The following CRACD variants were observed in gnomAD, a reference collection of about 807,000 sequenced individuals.
CRACD encodes the protein capping protein inhibiting regulator of actin dynamics, also known as capping protein-inhibiting regulator of actin dynamics.
In CRACD, 56 loss-of-function variants were observed where a neutral mutation model predicts 106.8. The ratio of observed to expected loss-of-function variants is 0.52; its 90% confidence interval spans 0.42 to 0.66. The LOEUF (loss-of-function observed/expected upper bound fraction) is 0.66. Among genes scored for constraint, CRACD ranks in the 30% least tolerant of loss-of-function variants. The probability of loss-of-function intolerance (pLI) is 0.00; values close to 1 mark genes in which losing one functional copy is unlikely to be tolerated. For missense variants in CRACD, 1,730 were observed against 1,623.2 expected, an observed-to-expected ratio of 1.07 and a Z score of -1.13; for synonymous variants, 754 against 670.8, an observed-to-expected ratio of 1.12 and a Z score of -1.92.
intron 1 of CRACD, among the ~76,000 whole-genome samples, chr4:56,114,838 A>G (rs1319187266): frequency 1.3e-5 from 2 of 152,190 alleles, no homozygotes; most frequent in Admixed American, 6.5e-5. Context: ...CTGTGTCACA[A>G]TATAAAATAT....
chr4:56,257,650 G>A (rs1741448176), intron 2 of CRACD, among the ~76,000 whole-genome samples: 1 of 152,098 alleles, frequency 6.6e-6, no homozygotes, highest in Non-Finnish European at 1.5e-5. Flanking sequence ...AGCTGTGATT[G>A]TGCTGCCACA....
intron 3 of CRACD, chr4:56,288,358 A>C (rs6813142): frequency 0.011 from 2,778 of 260,088 alleles, 20 homozygotes; most frequent in African/African-American, 0.017. Flanking sequence ...TGACGAAAGT[A>C]CCCAATAGGA....
intron 3 of CRACD, among the ~76,000 whole-genome samples, chr4:56,279,681 T>G (rs1475132674): frequency 6.6e-6 from 1 of 152,174 alleles, no homozygotes; most frequent in Non-Finnish European, 1.5e-5. Flanking sequence ...TAGGAACACT[T>G]GTACACTGTT....
chr4:56,071,366 T>G (rs146879171), intron 1 of CRACD, among the ~76,000 whole-genome samples: 3 of 152,290 alleles, frequency 2.0e-5, no homozygotes, highest in African/African-American at 7.2e-5. Flanking sequence ...AATGGATGAT[T>G]ATTCTTCTTG....
Position 56,316,429 on chromosome 4 carries a change from C to T in CRACD, c.2927C>T (p.Pro976Leu). ...ACCAGTCAGACCCCACCAGCATCCCCACTTTCCAAACTGAGCAGGCCCTAC... is the reference window on the plus strand; with the variant it reads ...ACCAGTCAGACCCCACCAGCATCCCTACTTTCCAAACTGAGCAGGCCCTAC... ...KPTSQTPPAS[P>L]LSKLSRPYLV... is the part of the protein sequence containing the mutation. Residue 976 changes from proline to leucine, a missense_variant, in exon 8 of 11, where the codon CCA (proline) becomes CTA (leucine). By Grantham distance (98) the Pro-to-Leu change is moderately conservative. Around this residue, in one of 5 missense-constraint regions of CRACD, gnomAD observed 1,620 missense variants for 1,481.6 expected, o/e 1.09. Transcript: ENST00000682029. The T allele has an allele frequency of 1.9e-6, 3 of 1,614,160 alleles. No homozygotes were observed. Among genetic ancestry groups the T allele is most frequent in the Non-Finnish European group, 2.5e-6 (3 of 1,179,984 alleles).
intron 3 of CRACD, among the ~76,000 whole-genome samples, chr4:56,278,807 A>AT (rs1008270302): frequency 9.2e-5 from 14 of 151,738 alleles, no homozygotes; most frequent in East Asian, 1.9e-4. Context: ...CCCTCCCCAA[A>AT]TTTTTTTTTA....
intron 1 of CRACD, among the ~76,000 whole-genome samples, chr4:56,086,482 C>A (rs1733223721): frequency 6.6e-6 from 1 of 152,102 alleles, no homozygotes; most frequent in Non-Finnish European, 1.5e-5. Context: ...TCACACTGAA[C>A]CAACAGTCTG....
Position 56,064,438 on chromosome 4 carries a change from C to T in CRACD, c.-336+15139C>T, listed in dbSNP as rs573067665. Reference sequence around the variant, plus strand: ...GGCTTTATAATGATACCTTGCATTACGGTGGACCAGCACACTTTTCAAAGC... The same window carrying T: ...GGCTTTATAATGATACCTTGCATTATGGTGGACCAGCACACTTTTCAAAGC... On this transcript the variant is annotated intron_variant, in intron 1 of 10. Transcript: ENST00000682029. Among the ~76,000 whole-genome samples, 187 of 152,300 alleles carry T rather than the reference C, an allele frequency of 1.2e-3. 1 individual carries two copies. Among genetic ancestry groups the T allele is most frequent in the African/African-American group, 4.3e-3 (179 of 41,570 alleles).
intron 1 of CRACD, among the ~76,000 whole-genome samples, chr4:56,121,489 C>G (rs1314710828): frequency 2.0e-5 from 3 of 151,988 alleles, no homozygotes; most frequent in Admixed American, 1.3e-4. Context: ...ACTAAAAATT[C>G]AAAAATTAGC....
intron 1 of CRACD, among the ~76,000 whole-genome samples, chr4:56,054,832 A>T (rs1180699810): frequency 6.6e-6 from 1 of 152,244 alleles, no homozygotes; most frequent in Non-Finnish European, 1.5e-5. Context: ...ACCATTTAAA[A>T]TGTCAGAAAT....
At chr4:56,064,844 G>A (rs925944098) in intron 1 of CRACD, among the ~76,000 whole-genome samples, 1 of 152,064 alleles carries the variant, frequency 6.6e-6, no homozygotes, top group Non-Finnish European at 1.5e-5. Flanking sequence ...ATTCATCGAA[G>A]TTTCACCCAC....
At chr4:56,141,368 T>C (rs1311927774) in intron 1 of CRACD, among the ~76,000 whole-genome samples, 1 of 152,194 alleles carries the variant, frequency 6.6e-6, no homozygotes, top group Non-Finnish European at 1.5e-5. Context: ...ACCTGTGATC[T>C]AAGAGTGATT....
At chr4:56,215,525 C>T (rs1560486855) in intron 2 of CRACD, among the ~76,000 whole-genome samples, 1 of 152,142 alleles carries the variant, frequency 6.6e-6, no homozygotes, top group Non-Finnish European at 1.5e-5. Flanking sequence ...TATTTACTGC[C>T]TTGTTTTACT....
At chr4:56,174,656 AAC>A (rs1156956547) in intron 1 of CRACD, among the ~76,000 whole-genome samples, 1 of 152,214 alleles carries the variant, frequency 6.6e-6, no homozygotes, top group Admixed American at 6.5e-5. Flanking sequence ...GTGTATATAT[AAC>A]ACATATTCTT....
chr4:56,291,111 G>T (rs1053914797), intron 3 of CRACD, among the ~76,000 whole-genome samples: 1 of 152,192 alleles, frequency 6.6e-6, no homozygotes, highest in Non-Finnish European at 1.5e-5. Flanking sequence ...GGCTGCTCTG[G>T]TTCTCAGTAG....
chr4:56,052,881 C>T (rs1413863499), intron 1 of CRACD, among the ~76,000 whole-genome samples: 2 of 152,154 alleles, frequency 1.3e-5, no homozygotes, highest in African/African-American at 4.8e-5. Flanking sequence ...ATTTGAATGT[C>T]GATATTGAGA....
chr4:56,297,042 C>T (rs1467988331), intron 3 of CRACD, among the ~76,000 whole-genome samples: 2 of 152,048 alleles, frequency 1.3e-5, no homozygotes, highest in African/African-American at 4.8e-5. Context: ...ATCTGAGTCT[C>T]CCAAGTAGCT....
chr4:56,218,285 TTTTTCAAGTAGAGACAGGGTCTCACTATG>T (rs1216560042), intron 2 of CRACD, among the ~76,000 whole-genome samples: 1 of 152,136 alleles, frequency 6.6e-6, no homozygotes, highest in Non-Finnish European at 1.5e-5. Context: ...TCTTTTCTTT[TTTTTCAAGTAGAGACAGGGTCTCACTATG>T]TTATCCAGGC....
rs1196033530 is a variant in CRACD, at chr4:56,143,000, A to ATT, written c.-335-36273_-335-36272dup. ...CTTTTCATTGATTTTTCTCTTTCAAATTTTTTTTTTTTACATATTATCAAT... is the reference window on the plus strand; with the variant it reads ...CTTTTCATTGATTTTTCTCTTTCAAATTTTTTTTTTTTTTACATATTATCAAT... On this transcript the variant is annotated intron_variant, in intron 1 of 10. Transcript: ENST00000682029. Among the ~76,000 whole-genome samples, 278 of 146,918 alleles carry ATT rather than the reference A, an allele frequency of 1.9e-3. 1 individual carries two copies. Among genetic ancestry groups the ATT allele is most frequent in the African/African-American group, 6.7e-3 (270 of 40,452 alleles).
Sources: allele counts gnomAD v4.1 joint callset (sites outside exome capture counted in the v4.1 genomes callset), GRCh38; gene constraint gnomAD v4.1.1; regional missense constraint gnomAD v4.1.1; transcripts MANE v1.5; gene names NCBI Gene and HGNC (gene_info 2026-07-23, HGNC 2026-07-21).